The following GOLM1 variants were observed in gnomAD, a reference collection of about 807,000 sequenced individuals.
GOLM1 encodes the protein golgi membrane protein 1.
In GOLM1, 31 loss-of-function variants were observed where a neutral mutation model predicts 50.5. The observed-to-expected ratio is 0.61, with a 90% CI of 0.46 to 0.83. GOLM1 has a LOEUF of 0.83. Among genes scored for constraint, GOLM1 ranks in the 40% least tolerant of loss-of-function variants. The pLI is 0.00. For missense variants in GOLM1, 491 were observed against 501.3 expected (o/e 0.98, Z 0.20); for synonymous variants, 178 against 192.8 (o/e 0.92, Z 0.64).
At position 86,077,520 on chromosome 9, in the gene GOLM1, C is replaced by G. The variant is rs1367872845; in HGVS notation, c.201G>C (p.Lys67Asn). The change falls in exon 3 of 10, where the codon AAG (lysine) becomes AAC (asparagine). Residue 67 changes from lysine (K) to asparagine (N), a missense_variant. Physicochemically the swap from Lys to Asn is moderately conservative, Grantham distance 94. Coordinates refer to ENST00000388712, the MANE Select transcript of GOLM1 (RefSeq NM_016548.4). Reference sequence around the variant, plus strand: ...TCTCCAGCTCTCCCTGGAACTCGTTCTTCTTCAGCTCCACGGCGCCTCTCT... The same window carrying G: ...TCTCCAGCTCTCCCTGGAACTCGTTGTTCTTCAGCTCCACGGCGCCTCTCT... ...AAERGAVELK[K>N]NEFQGELEKQ... 1.2e-6 allele frequency: 2 copies of G among 1,613,324 alleles called. No individual in the cohort carries two copies. Among genetic ancestry groups the G allele is most frequent in the Non-Finnish European group, 1.7e-6 (2 of 1,179,314 alleles).
chr9:86,073,014 A>T (rs971908540), intron 3 of GOLM1, among the ~76,000 whole-genome samples: 2 of 152,266 alleles, frequency 1.3e-5, no homozygotes, highest in Non-Finnish European at 2.9e-5. Context: ...TGACCAAAAC[A>T]TCACATGTGG....
At chr9:86,065,128 A>G (rs1834271691) in intron 3 of GOLM1, among the ~76,000 whole-genome samples, 1 of 152,174 alleles carries the variant, frequency 6.6e-6, no homozygotes, top group African/African-American at 2.4e-5. Context: ...CCCCACCTCA[A>G]TGCAGGCCCT....
chr9:86,055,448 GA>G (rs1833957786), intron 3 of GOLM1, among the ~76,000 whole-genome samples: 1 of 152,154 alleles, frequency 6.6e-6, no homozygotes. Flanking sequence ...TATGAACCCA[GA>G]AGCATTTAAA....
intron 6 of GOLM1, among the ~76,000 whole-genome samples, chr9:86,039,890 C>T (rs1358807215): frequency 2.0e-5 from 3 of 151,666 alleles, no homozygotes; most frequent in African/African-American, 7.3e-5. Flanking sequence ...ATCGCTTGAA[C>T]CTGGGAGGCA....
Position 86,064,721 on chromosome 9 carries a change from G to A in GOLM1, c.310-12130C>T, listed in dbSNP as rs772451497. Reference sequence around the variant, plus strand: ...TGCACCCCAACATCACACTCTGCTCGGGCCCAGCCACTCGCAGTTCCCTAG... The same window carrying A: ...TGCACCCCAACATCACACTCTGCTCAGGCCCAGCCACTCGCAGTTCCCTAG... On this transcript the variant is annotated intron_variant, in intron 3 of 9. Coordinates refer to ENST00000388712, the MANE Select transcript of GOLM1 (RefSeq NM_016548.4). Among the ~76,000 whole-genome samples, 59 of 152,202 alleles carry A rather than the reference G, an allele frequency of 3.9e-4. 1 individual carries two copies. The highest frequency in any genetic ancestry group is 5.2e-4 in the Admixed American group (8 of 15,284).
At chr9:86,037,183 G>A (rs1462615198) in intron 6 of GOLM1, among the ~76,000 whole-genome samples, 3 of 152,242 alleles carry the variant, frequency 2.0e-5, no homozygotes, top group Non-Finnish European at 2.9e-5. Flanking sequence ...GGGAGGCCGA[G>A]GCAGGCAGAT....
At chr9:86,033,541 G>C in intron 8 of GOLM1, 146 bp from the exon 9 acceptor site, 1 of 621,002 alleles carries the variant, frequency 1.6e-6, no homozygotes, top group South Asian at 1.9e-5. Flanking sequence ...GGACGCAAGG[G>C]CTGGCTTCCA....
intron 1 of GOLM1, among the ~76,000 whole-genome samples, chr9:86,085,761 T>G (rs1157074823): frequency 6.6e-6 from 1 of 152,170 alleles, no homozygotes; most frequent in Non-Finnish European, 1.5e-5. Flanking sequence ...GTTAGTTTGC[T>G]GAGAATGATG....
chr9:86,088,986 G>A (rs1356749088), intron 1 of GOLM1, among the ~76,000 whole-genome samples: 2 of 152,096 alleles, frequency 1.3e-5, no homozygotes, highest in Non-Finnish European at 1.5e-5. Flanking sequence ...GCATTTGCTT[G>A]TCTGTAAAGG....
chr9:86,054,828 C>T (rs1004623227), intron 3 of GOLM1, among the ~76,000 whole-genome samples: 4 of 152,202 alleles, frequency 2.6e-5, no homozygotes, highest in Non-Finnish European at 5.9e-5. Flanking sequence ...AGGTAAATGC[C>T]ATCTCACAGA....
intron 5 of GOLM1, among the ~76,000 whole-genome samples, chr9:86,043,082 G>A (rs1425078718): frequency 6.6e-6 from 1 of 152,184 alleles, no homozygotes; most frequent in African/African-American, 2.4e-5. Flanking sequence ...ATCAGGGCAG[G>A]TGATCCCATC....
intron 1 of GOLM1, among the ~76,000 whole-genome samples, chr9:86,088,572 G>GT (rs71505776): frequency 1.5e-3 from 161 of 108,754 alleles, no homozygotes; most frequent in Middle Eastern, 4.3e-3. Flanking sequence ...TCCTGGTTTT[G>GT]TTTTTTTTTT....
intron 7 of GOLM1, among the ~76,000 whole-genome samples, chr9:86,035,886 A>AAAAAAAC (rs1833123259): frequency 6.7e-6 from 1 of 148,644 alleles, no homozygotes; most frequent in Non-Finnish European, 1.5e-5. Context: ...AACAAAACAA[A>AAAAAAAC]AAAAAAAAAA....
chr9:86,091,214 A>G (rs887284600), intron 1 of GOLM1, among the ~76,000 whole-genome samples: 1 of 152,106 alleles, frequency 6.6e-6, no homozygotes, highest in Non-Finnish European at 1.5e-5. Flanking sequence ...CCATCTTACC[A>G]GCCACTCTGT....
intron 4 of GOLM1, among the ~76,000 whole-genome samples, chr9:86,050,133 T>C (rs1564345765): frequency 6.6e-6 from 1 of 152,240 alleles, no homozygotes; most frequent in African/African-American, 2.4e-5. Context: ...CAATGTGGTT[T>C]TTATCTTTGG....
chr9:86,062,701 G>A lies in GOLM1; in HGVS notation c.310-10110C>T, dbSNP rs889417771. On this transcript the variant is annotated intron_variant, in intron 3 of 9. Coordinates refer to ENST00000388712, the MANE Select transcript of GOLM1 (RefSeq NM_016548.4). ...GGAAGGATGGAGGGAGGGGAGGCAG[G>A]AGGAAGGAAAAAGGAGGAGAAGCAA... is the stretch of plus-strand genomic sequence containing the variant. Among the ~76,000 whole-genome samples the A allele has an allele frequency of 7.7e-4, 116 of 149,702 alleles. 1 individual carries two copies. The highest frequency in any genetic ancestry group is 7.7e-3 in the Admixed American group (115 of 14,992).
chr9:86,027,458 T>C lies in GOLM1; in HGVS notation c.*359A>G, dbSNP rs887621387. 1.7e-5 allele frequency: 18 copies of C among 1,043,170 alleles called. No homozygotes were observed. The highest frequency in any genetic ancestry group is 5.5e-5 in the Admixed American group (1 of 18,312). 64.6% of individuals were successfully genotyped at this position (1,043,170 alleles called of 1,614,324 possible). ...TTCTCTGTCTCTCCTTCACAGCAGA[T>C]GGACTCTTCTATAGGTGGCTGTTAA... On this transcript the variant is annotated 3_prime_UTR_variant, in exon 10 of 10. Transcript: ENST00000388712.
intron 4 of GOLM1, 146 bp downstream of exon 4, chr9:86,052,391 G>T (rs1833782925): frequency 5.6e-6 from 4 of 710,824 alleles, no homozygotes; most frequent in Non-Finnish European, 9.9e-6. Context: ...ATAGACTTAG[G>T]CAAAAAGAAT....
chr9:86,085,451 TTG>T (rs1424953157), intron 1 of GOLM1, among the ~76,000 whole-genome samples: 5 of 102,318 alleles, frequency 4.9e-5, no homozygotes, highest in African/African-American at 2.7e-4. Flanking sequence ...CCCAAAGTTT[TTG>T]TTTTTTTTTT....
Sources: allele counts gnomAD v4.1 joint callset (sites outside exome capture counted in the v4.1 genomes callset), GRCh38; gene constraint gnomAD v4.1.1; transcripts MANE v1.5; gene names NCBI Gene and HGNC (gene_info 2026-07-23, HGNC 2026-07-21).